Variants in RPAP1 observed in about 807,000 individuals in gnomAD.
RPAP1 encodes RNA polymerase II associated protein 1.
A neutral mutation model predicts 142.4 loss-of-function variants in RPAP1; 109 were observed. The ratio of observed to expected loss-of-function variants is 0.77; its 90% CI spans 0.66 to 0.90. RPAP1 has a LOEUF of 0.90. Among genes scored for constraint, RPAP1 ranks in the 40% least tolerant of loss-of-function variants. RPAP1 has a pLI of 0.00. For missense variants in RPAP1, 1,546 were observed against 1,751.7 expected (o/e 0.88, Z 2.10); for synonymous variants, 704 against 738.9 (o/e 0.95, Z 0.77).
intron 22 of RPAP1, 25 bp downstream of exon 22, chr15:41,520,366 A>C: frequency 6.2e-7 from 1 of 1,612,448 alleles, no homozygotes; most frequent in South Asian, 1.1e-5. Flanking sequence ...GTACCCTTGC[A>C]GGTCCTGCTG....
intron 1 of RPAP1, among the ~76,000 whole-genome samples, chr15:41,542,433 G>A (rs926262960): frequency 1.3e-5 from 2 of 152,172 alleles, no homozygotes; most frequent in African/African-American, 4.8e-5. Flanking sequence ...GGTCAATATT[G>A]AAAGAGAAAA....
chr15:41,528,414 A>T, intron 9 of RPAP1, 78 bp from the exon 10 acceptor site: 1 of 989,856 alleles, frequency 1.0e-6, no homozygotes, highest in East Asian at 2.6e-5. Context: ...GTATCACAGG[A>T]AAGACAAAGA....
rs2051803013 is a variant in RPAP1, at chr15:41,527,310, T to G, written c.1612-9A>C. On this transcript the variant is annotated splice_polypyrimidine_tract_variant and intron_variant, in intron 12 of 24. Coordinates refer to ENST00000304330, the MANE Select transcript of RPAP1 (RefSeq NM_015540.4). ...CTGGTAGCCAGGAGCCCCTGGGAGT[T>G]GGAGAGAGAAACCCACTGACAAATG... The G allele has an allele frequency of 6.2e-7, 1 of 1,613,992 alleles. No individual in the cohort carries two copies. Among genetic ancestry groups the G allele is most frequent in the South Asian group, 1.1e-5 (1 of 91,074 alleles).
At chr15:41,518,653 T>C (rs1366656349) in intron 22 of RPAP1, among the ~76,000 whole-genome samples, 1 of 145,800 alleles carries the variant, frequency 6.9e-6, no homozygotes, top group Non-Finnish European at 1.5e-5. Flanking sequence ...CACTCCAGCC[T>C]GGGCAACAGA....
At chr15:41,536,404 T>G (rs1243759798) in intron 3 of RPAP1, 97 bp downstream of exon 3, 1 of 1,508,124 alleles carries the variant, frequency 6.6e-7, no homozygotes, top group African/African-American at 1.4e-5. Context: ...TCTACCTTTC[T>G]GAAGCACCCT....
At position 41,537,180 on chromosome 15, in the gene RPAP1, G is replaced by T; in HGVS notation, c.-55C>A. ...ACTCTCTCCAGCAGTGTCTCCGTGT[G>T]GGGGTTCCCTCTTATTCATCCCTAA... On this transcript the variant is annotated 5_prime_UTR_variant, in exon 2 of 25. Coordinates refer to ENST00000304330, the MANE Select transcript of RPAP1 (RefSeq NM_015540.4). 6.5e-7 allele frequency: 1 copy of T among 1,547,804 alleles called. No individual in the cohort carries two copies. The highest frequency in any genetic ancestry group is 2.3e-5 in the East Asian group (1 of 42,916).
At position 41,527,846 on chromosome 15, in the gene RPAP1, T is replaced by C; in HGVS notation, c.1428+14A>G. 1 of 1,613,984 alleles carries C rather than the reference T, an allele frequency of 6.2e-7. No individual in the cohort carries two copies. The highest frequency in any genetic ancestry group is 8.5e-7 in the Non-Finnish European group (1 of 1,179,932). ...CACCTCCCAGCCCAAGCCCCATTCC[T>C]ATCCCTGTGGTACCTCATCTCCAGG... On this transcript the variant is annotated intron_variant, in intron 11 of 24. Transcript: ENST00000304330.
intron 6 of RPAP1, among the ~76,000 whole-genome samples, chr15:41,531,472 T>A (rs1297055220): frequency 6.6e-6 from 1 of 151,786 alleles, no homozygotes; most frequent in African/African-American, 2.4e-5. Flanking sequence ...TGCCTATCCC[T>A]TTGGTTTCAG....
chr15:41,533,920 G>A (rs547984271), intron 6 of RPAP1, among the ~76,000 whole-genome samples: 3 of 151,696 alleles, frequency 2.0e-5, no homozygotes, highest in East Asian at 1.9e-4. Flanking sequence ...TCAGGAGTTC[G>A]ACACCAGCCT....
At chr15:41,530,985 T>A (rs895252298) in intron 7 of RPAP1, 38 bp downstream of exon 7, 3 of 1,581,784 alleles carry the variant, frequency 1.9e-6, no homozygotes, top group Non-Finnish European at 2.6e-6. Context: ...TTTCCCCTAC[T>A]TTTATCCACC....
intron 1 of RPAP1, among the ~76,000 whole-genome samples, chr15:41,543,259 G>A (rs1033381807): frequency 1.4e-5 from 2 of 145,140 alleles, no homozygotes; most frequent in African/African-American, 5.2e-5. Flanking sequence ...GCCCAGGCTG[G>A]AGTGCAATAG....
chr15:41,527,796 C>A, intron 11 of RPAP1, 64 bp downstream of exon 11: 1 of 1,590,600 alleles, frequency 6.3e-7, no homozygotes, highest in South Asian at 1.1e-5. Flanking sequence ...GGGGCCATGC[C>A]CAGGAACAGG....
Position 41,522,170 on chromosome 15 carries a change from T to G in RPAP1, c.2823A>C (p.Thr941=), listed in dbSNP as rs779548469. 7.4e-5 allele frequency: 119 copies of G among 1,613,714 alleles called. No individual in the cohort carries two copies. Among genetic ancestry groups the G allele is most frequent in the Non-Finnish European group, 8.7e-5 (103 of 1,179,964 alleles). ...CVAPGAAPHL[T]PFSAWALRHE... Reference sequence around the variant, plus strand: ...GGCGCAGGGCCCATGCAGAGAAAGGTGTGAGGTGTGGGGCAGCCCCAGGAG... The same window carrying G: ...GGCGCAGGGCCCATGCAGAGAAAGGGGTGAGGTGTGGGGCAGCCCCAGGAG... The change falls in exon 20 of 25, where the codon ACA becomes ACC. Residue 941 remains threonine, a synonymous_variant. Transcript: ENST00000304330.
At chr15:41,521,932 A>T in intron 20 of RPAP1, 52 bp from the exon 21 acceptor site, 1 of 1,596,562 alleles carries the variant, frequency 6.3e-7, no homozygotes, top group South Asian at 1.1e-5. Context: ...GGGACGTGGC[A>T]GAGAGAAGTG....
At position 41,527,518 on chromosome 15, in the gene RPAP1, C is replaced by T. The variant is rs1200345; in HGVS notation, c.1516G>A (p.Glu506Lys). ...TTTCCTGCTGGGCATTCTTCATCCT[C>T]GTCCTCATCCTCCTTGTCCTCCTGG... Reference protein sequence around the residue: ...PSQEDKEDEDEDEECPAGKAK... With the variant: ...PSQEDKEDEDKDEECPAGKAK... Residue 506 changes from glutamate to lysine, a missense_variant, in exon 12 of 25, where the codon GAG (glutamate) becomes AAG (lysine). Glu to Lys is a moderately conservative substitution (Grantham distance 56). Coordinates refer to ENST00000304330, the MANE Select transcript of RPAP1 (RefSeq NM_015540.4). 0.51 allele frequency: 821,257 copies of T among 1,613,756 alleles called. 210,752 individuals are homozygous for T. Among genetic ancestry groups the T allele is most frequent in the African/African-American group, 0.64 (48,153 of 74,926 alleles).
chr15:41,540,109 G>A (rs765961093), intron 1 of RPAP1, among the ~76,000 whole-genome samples: 1 of 152,032 alleles, frequency 6.6e-6, no homozygotes, highest in African/African-American at 2.4e-5. Context: ...AACAAAAAAC[G>A]CTGGGCTGGC....
Position 41,527,010 on chromosome 15 carries a change from C to T in RPAP1, c.1805G>A (p.Trp602Ter). The T allele has an allele frequency of 1.2e-6, 2 of 1,614,196 alleles. No homozygotes were observed. The highest frequency in any genetic ancestry group is 8.5e-7 in the Non-Finnish European group (1 of 1,180,042). ...GGTAGGCCCTGCCCCCACAGGAGAC[C>T]AACTGGTGGGCAAGAACTCTCGAAC... ...TIVREFLPTS[W>*]SPVGAGPTPS... Residue 602 changes from tryptophan to a stop codon, truncating the protein, a stop_gained, in exon 14 of 25, where the codon TGG (tryptophan) becomes TAG (stop). Coordinates refer to ENST00000304330, the MANE Select transcript of RPAP1 (RefSeq NM_015540.4). LOFTEE classifies it high-confidence loss of function.
rs998810507 is a variant in RPAP1, at chr15:41,518,018, G to A, written c.3960C>T (p.Asp1320=). Residue 1320 remains aspartate, a synonymous_variant, in exon 23 of 25, where the codon GAC becomes GAT. Coordinates refer to ENST00000304330, the MANE Select transcript of RPAP1 (RefSeq NM_015540.4). Reference sequence around the variant, plus strand: ...AGATGTAACTTACTGAGCTCTGTGGGTCCTGAGAGAAGATGAAGCTATTGA... The same window carrying A: ...AGATGTAACTTACTGAGCTCTGTGGATCCTGAGAGAAGATGAAGCTATTGA... ...AHVNSFIFSQ[D]PQSSDEVKAA... 1 of 1,614,142 alleles carries A rather than the reference G, an allele frequency of 6.2e-7. No individual in the cohort carries two copies. Among genetic ancestry groups the A allele is most frequent in the African/African-American group, 1.3e-5 (1 of 75,050 alleles).
intron 1 of RPAP1, 42 bp downstream of exon 1, chr15:41,544,177 C>G (rs1423617895): frequency 6.6e-6 from 1 of 152,546 alleles, no homozygotes; most frequent in Non-Finnish European, 1.5e-5. Flanking sequence ...GGGTCCTCCT[C>G]CCAGATCACC....
Sources: gnomAD v4.1 joint callset for allele counts (sites outside exome capture counted in the v4.1 genomes callset) on GRCh38, gnomAD v4.1.1 for gene constraint, MANE v1.5 for transcripts, NCBI Gene and HGNC (gene_info 2026-07-23, HGNC 2026-07-21) for gene names.